CD86: variants seen among roughly 807,000 people sequenced by gnomAD.
CD86 encodes CD86 molecule.
Under a neutral mutation model 32.1 loss-of-function variants are expected in CD86, and 11 were observed. The ratio of observed to expected loss-of-function variants is 0.34; its 90% confidence interval spans 0.22 to 0.57. CD86 has a LOEUF of 0.57. Among genes scored for constraint, CD86 ranks in the 20% least tolerant of loss-of-function variants. CD86 has a pLI of 0.86. For missense variants in CD86, 359 were observed against 398.4 expected (o/e 0.90, Z 0.84); for synonymous variants, 137 against 135.3 (o/e 1.01, Z -0.09).
In CD86 at chr3:122,069,606, G is replaced by A. The variant is rs16832684; in HGVS notation, c.14+14103G>A. 1.3e-4 allele frequency among the ~76,000 whole-genome samples: 20 copies of A among 151,796 alleles called. No individual in the cohort carries two copies. In the East Asian group the frequency reaches 3.7e-3, roughly 28 times the overall value. ...TGTCCATGTCCATGGGGTGAGTTGT[G>A]AGCCCATCAGTTTCCCACACTACAG... On this transcript the variant is annotated intron_variant, in intron 1 of 6. Coordinates refer to ENST00000330540, the MANE Select transcript of CD86 (RefSeq NM_175862.5).
intron 5 of CD86, 46 bp from the exon 6 acceptor site, chr3:122,118,002 A>G (rs1171961581): frequency 6.5e-7 from 1 of 1,535,172 alleles, no homozygotes; most frequent in Admixed American, 1.7e-5. Flanking sequence ...TTCTTTTGGT[A>G]TCTAGGAGGA....
At position 122,073,306 on chromosome 3, in the gene CD86, C is replaced by T. The variant is rs1028606551; in HGVS notation, c.14+17803C>T. The stretch of plus-strand genomic sequence containing the variant: ...CCTTTTCATATGCTTATTTGCTGTC[C>T]GTGTACCTTCTTTGGTGAGGTATAT... On this transcript the variant is annotated intron_variant, in intron 1 of 6. Coordinates refer to ENST00000330540, the MANE Select transcript of CD86 (RefSeq NM_175862.5). Among the ~76,000 whole-genome samples, 14 of 151,620 alleles carry T rather than the reference C, an allele frequency of 9.2e-5. No individual in the cohort carries two copies. In the South Asian group the frequency reaches 1.2e-3, roughly 14 times the overall value.
chr3:122,092,095 C>T (rs542912411), intron 2 of CD86: 1 of 157,270 alleles, frequency 6.4e-6, no homozygotes, highest in Non-Finnish European at 1.4e-5. Context: ...TCATTCGGAG[C>T]ACTGGCTTTC....
Position 122,109,267 on chromosome 3 carries a change from C to T in CD86, c.706C>T (p.Leu236Phe). ...TGAAAATTTGTGGTCATTTGTAGAG[C>T]TTGAGGACCCTCAGCCTCCCCCAGA... ...RLLSSPFSIE[L>F]EDPQPPPDHI... is the part of the protein sequence containing the mutation. The change falls in exon 5 of 7, where the codon CTT becomes TTT. Residue 236 changes from leucine (L) to phenylalanine (F), a missense_variant and splice_region_variant. Physicochemically the swap from Leu to Phe is conservative, Grantham distance 22 (BLOSUM62 0). Transcript: ENST00000330540. The T allele has an allele frequency of 6.2e-7, 1 of 1,612,828 alleles. No individual in the cohort carries two copies. The highest frequency in any genetic ancestry group is 1.1e-5 in the South Asian group (1 of 90,762).
intron 1 of CD86, among the ~76,000 whole-genome samples, chr3:122,058,340 A>G (rs2072272253): frequency 6.6e-6 from 1 of 152,184 alleles, no homozygotes; most frequent in Admixed American, 6.6e-5. Flanking sequence ...GCCAGCCTCC[A>G]GGGAGTGACT....
At chr3:122,117,785 C>A (rs1343965278) in intron 5 of CD86, among the ~76,000 whole-genome samples, 1 of 152,122 alleles carries the variant, frequency 6.6e-6, no homozygotes, top group East Asian at 1.9e-4. Context: ...TTTTGGTTAG[C>A]CAGGATAGAG....
intron 1 of CD86, among the ~76,000 whole-genome samples, chr3:122,080,598 C>T (rs1489311768): frequency 6.6e-6 from 1 of 152,200 alleles, no homozygotes; most frequent in African/African-American, 2.4e-5. Flanking sequence ...ATCCTTGATG[C>T]AGCTCTCCTC....
intron 1 of CD86, among the ~76,000 whole-genome samples, chr3:122,078,420 C>G (rs764282232): frequency 2.0e-5 from 3 of 152,178 alleles, no homozygotes; most frequent in African/African-American, 4.8e-5. Flanking sequence ...CTCGCCTCGC[C>G]TGAGTCCCCT....
At chr3:122,104,633 T>C (rs1226148898) in intron 3 of CD86, among the ~76,000 whole-genome samples, 1 of 152,244 alleles carries the variant, frequency 6.6e-6, no homozygotes, top group East Asian at 1.9e-4. Flanking sequence ...TCTGCACTCA[T>C]AACCCTTGTT....
intron 5 of CD86, among the ~76,000 whole-genome samples, chr3:122,113,304 T>C (rs777731802): frequency 6.6e-6 from 1 of 152,234 alleles, no homozygotes; most frequent in Non-Finnish European, 1.5e-5. Flanking sequence ...ATTGTGCTGC[T>C]ATAAACATGC....
At chr3:122,096,771 A>G (rs34652460) in intron 2 of CD86, among the ~76,000 whole-genome samples, 15,821 of 152,302 alleles carry the variant, frequency 0.1, 863 homozygotes, top group Non-Finnish European at 0.12. Context: ...AATCCATGCT[A>G]TTAGTTATAA....
chr3:122,105,750 G>T (rs1446207461), intron 3 of CD86, among the ~76,000 whole-genome samples: 1 of 152,018 alleles, frequency 6.6e-6, no homozygotes, highest in African/African-American at 2.4e-5. Context: ...ATGACGCAGG[G>T]CATCTCAGCA....
chr3:122,107,306 A>G (rs748971017), intron 4 of CD86, among the ~76,000 whole-genome samples: 2 of 152,164 alleles, frequency 1.3e-5, no homozygotes, highest in Non-Finnish European at 2.9e-5. Context: ...TTGAGACAGT[A>G]TCTGGGCTAA....
chr3:122,072,541 T>C (rs1258105022), intron 1 of CD86, among the ~76,000 whole-genome samples: 7 of 152,232 alleles, frequency 4.6e-5, no homozygotes, highest in Non-Finnish European at 1.0e-4. Context: ...TTGAGAAGTG[T>C]CTGTTCATAT....
At chr3:122,090,242 A>C (rs1470542048) in intron 1 of CD86, among the ~76,000 whole-genome samples, 1 of 152,184 alleles carries the variant, frequency 6.6e-6, no homozygotes, top group Non-Finnish European at 1.5e-5. Context: ...CATAACAGAC[A>C]CTTCTAGCCC....
intron 1 of CD86, among the ~76,000 whole-genome samples, chr3:122,082,751 G>A (rs2072651910): frequency 6.6e-6 from 1 of 152,182 alleles, no homozygotes; most frequent in Non-Finnish European, 1.5e-5. Context: ...GTTAGTATTA[G>A]TCTCTCTTTT....
In CD86 at chr3:122,081,532, T is replaced by A. The variant is rs1230533401; in HGVS notation, c.15-10069T>A. On this transcript the variant is annotated intron_variant, in intron 1 of 6. Coordinates refer to ENST00000330540, the MANE Select transcript of CD86 (RefSeq NM_175862.5). Reference sequence around the variant, plus strand: ...GTCTAGGGAAGAATTATTGGAAGCTTGCAAAGCCTTTCAAGGACAGAGGAC... The same window carrying A: ...GTCTAGGGAAGAATTATTGGAAGCTAGCAAAGCCTTTCAAGGACAGAGGAC... 3.9e-5 allele frequency among the ~76,000 whole-genome samples: 6 copies of A among 152,216 alleles called. No individual in the cohort carries two copies. The East Asian group carries it at 7.7e-4, about 19-fold the overall frequency.
intron 4 of CD86, among the ~76,000 whole-genome samples, chr3:122,107,233 G>A (rs1250742189): frequency 2.0e-5 from 3 of 152,200 alleles, no homozygotes; most frequent in Non-Finnish European, 4.4e-5. Flanking sequence ...ATGTGGTGAG[G>A]AGGGGAGGGC....
Position 122,109,333 on chromosome 3 carries a change from A to G in CD86, c.772A>G (p.Ile258Val), listed in dbSNP as rs768339617. Residue 258 changes from isoleucine (I) to valine (V), a missense_variant, in exon 5 of 7, where the codon ATA becomes GTA. Coordinates refer to ENST00000330540, the MANE Select transcript of CD86 (RefSeq NM_175862.5). ...TACAGCTGTACTTCCAACAGTTATT[A>G]TATGTGTGATGGTTTTCTGTCTAAT... ...WITAVLPTVI[I>V]CVMVFCLILW... The G allele has an allele frequency of 7.4e-6, 12 of 1,613,878 alleles. No individual in the cohort carries two copies. In the East Asian group the frequency reaches 2.0e-4, roughly 27 times the overall value.
Sources: gnomAD v4.1 joint callset for allele counts (sites outside exome capture counted in the v4.1 genomes callset) on GRCh38, gnomAD v4.1.1 for gene constraint, MANE v1.5 for transcripts, NCBI Gene and HGNC (gene_info 2026-07-23, HGNC 2026-07-21) for gene names.